The following SQLE variants were observed in gnomAD, a reference collection of about 807,000 sequenced individuals.
The protein encoded by SQLE is squalene monooxygenase.
In SQLE, 29 loss-of-function variants were observed where a neutral mutation model predicts 60.7. That is an observed-to-expected ratio of 0.48 (90% CI 0.36 to 0.65). The LOEUF is 0.65. Among genes scored for constraint, SQLE ranks in the 30% least tolerant of loss-of-function variants. The pLI is 0.00. For synonymous variants in SQLE, 237 were observed against 246.8 expected (o/e 0.96, Z 0.37); for missense variants, 605 against 684.1 (o/e 0.88, Z 1.29).
Position 125,004,382 on chromosome 8 carries a change from A to G in SQLE, c.544+954A>G, listed in dbSNP as rs560531435. Among the ~76,000 whole-genome samples the G allele has an allele frequency of 2.6e-5, 4 of 152,266 alleles. 1 individual carries two copies. The South Asian group carries it at 8.3e-4, about 32-fold the overall frequency. ...TCTTTAGGATGAATTTCTTACATGG[A>G]TTTCCAAGAGTAAGATTATTACATC... On this transcript the variant is annotated intron_variant, in intron 2 of 10. Transcript: ENST00000265896.
chr8:125,009,424 C>G, intron 6 of SQLE, 81 bp downstream of exon 6: 1 of 1,282,858 alleles, frequency 7.8e-7, no homozygotes, highest in Non-Finnish European at 1.1e-6. Flanking sequence ...AAACATTCAT[C>G]CAGTCAACCA....
chr8:125,006,047 A>G (rs528645268), intron 3 of SQLE, among the ~76,000 whole-genome samples: 1 of 152,328 alleles, frequency 6.6e-6, no homozygotes, highest in Admixed American at 6.5e-5. Context: ...TGGTTACGAT[A>G]CTTTCTATTA....
rs566472425 is a variant in SQLE at position 125,006,969 on chromosome 8, C to T, written c.726-422C>T. Among the ~76,000 whole-genome samples, 186 of 152,252 alleles carry T rather than the reference C, an allele frequency of 1.2e-3. 1 individual carries two copies. Among genetic ancestry groups the T allele is most frequent in the African/African-American group, 4.2e-3 (174 of 41,564 alleles). Reference sequence around the variant, plus strand: ...CCGCCCACCTTGGCCTCCCAAAGTTCTGGGATTACAGGTGTGAGCCACCGT... The same window carrying T: ...CCGCCCACCTTGGCCTCCCAAAGTTTTGGGATTACAGGTGTGAGCCACCGT... On this transcript the variant is annotated intron_variant, in intron 3 of 10. Coordinates refer to ENST00000265896, the MANE Select transcript of SQLE (RefSeq NM_003129.4).
At position 124,998,525 on chromosome 8, in the gene SQLE, G is replaced by C; in HGVS notation, c.-879G>C. The C allele has an allele frequency of 1.5e-6, 1 of 660,766 alleles. No individual in the cohort carries two copies. The allele number at this position is 660,766 out of a possible 1,614,324, so 40.9% of individuals were successfully genotyped here. A position where few individuals can be genotyped will look rare whatever the true frequency, so the allele number is the denominator to read the frequency against. On this transcript the variant is annotated 5_prime_UTR_variant, in exon 1 of 11. Coordinates refer to ENST00000265896, the MANE Select transcript of SQLE (RefSeq NM_003129.4). Reference sequence around the variant, plus strand: ...TGGCTGAGACGCGTGGAGCCTGGCGGCGAGTGGGGGCGTGCGACGGTTACT... The same window carrying C: ...TGGCTGAGACGCGTGGAGCCTGGCGCCGAGTGGGGGCGTGCGACGGTTACT...
Position 125,007,460 on chromosome 8 carries a change from C to G in SQLE, c.795C>G (p.Tyr265Ter). 1 of 1,552,252 alleles carries G rather than the reference C, an allele frequency of 6.4e-7. No individual in the cohort carries two copies. Among genetic ancestry groups the G allele is most frequent in the Admixed American group, 2.0e-5 (1 of 50,990 alleles). ...ATGATGTTGTGATGGGAGTTCAGTA[C>G]AAGGATAAAGAGACTGGAGATATCA... Reference protein sequence around the residue: ...EEDDVVMGVQYKDKETGDIKE... With the variant: ...EEDDVVMGVQ The change falls in exon 4 of 11, where the codon TAC becomes TAG. Residue 265 changes from tyrosine (Y) to a stop codon, truncating the protein, a stop_gained. Coordinates refer to ENST00000265896, the MANE Select transcript of SQLE (RefSeq NM_003129.4). LOFTEE classifies it high-confidence loss of function.
rs1410541327 is a variant in SQLE, at chr8:125,011,563, G to A, written c.1135G>A (p.Ala379Thr). The A allele has an allele frequency of 6.3e-7, 1 of 1,586,996 alleles. No homozygotes were observed. The highest frequency in any genetic ancestry group is 1.8e-5 in the Admixed American group (1 of 56,216). Residue 379 changes from alanine (A) to threonine (T), a missense_variant, in exon 7 of 11, where the codon GCC (alanine) becomes ACC (threonine). Coordinates refer to ENST00000265896, the MANE Select transcript of SQLE (RefSeq NM_003129.4). ...TCACCTGAAAGAACCATTCTTAGAA[G>A]CCACTGACAATTCTCATCTGAGGTC... ...PDHLKEPFLE[A>T]TDNSHLRSMP...
At chr8:125,012,696 T>G (rs1358448936) in intron 7 of SQLE, among the ~76,000 whole-genome samples, 1 of 152,256 alleles carries the variant, frequency 6.6e-6, no homozygotes, top group African/African-American at 2.4e-5. Context: ...TTTTGGTTAT[T>G]ACAAGCAATG....
At chr8:125,021,536 A>T (rs1285719957) in intron 10 of SQLE, among the ~76,000 whole-genome samples, 1 of 138,930 alleles carries the variant, frequency 7.2e-6, no homozygotes, top group Non-Finnish European at 1.5e-5. Context: ...CTTAAAAAAA[A>T]AAAAAGGGGG....
chr8:125,015,732 G>T (rs1200998497), intron 7 of SQLE, among the ~76,000 whole-genome samples: 1 of 152,066 alleles, frequency 6.6e-6, no homozygotes, highest in African/African-American at 2.4e-5. Context: ...GCTCGTTAAG[G>T]TCCTTTTCTT....
chr8:125,003,045 T>A (rs1814882750), intron 1 of SQLE, 131 bp from the exon 2 acceptor site: 1 of 711,710 alleles, frequency 1.4e-6, no homozygotes, highest in Admixed American at 3.8e-5. Context: ...ATGTAACAAT[T>A]TGTTTGGTTT....
intron 2 of SQLE, among the ~76,000 whole-genome samples, chr8:125,003,664 A>G (rs1353660215): frequency 2.6e-5 from 4 of 152,194 alleles, no homozygotes; most frequent in Admixed American, 2.6e-4. Flanking sequence ...AAAAGATTGT[A>G]ATGGTCAAAA....
intron 4 of SQLE, 64 bp downstream of exon 4, chr8:125,007,551 C>T (rs1258847150): frequency 7.8e-6 from 9 of 1,150,808 alleles, no homozygotes; most frequent in South Asian, 3.1e-5. Context: ...TTCACTTACC[C>T]CTTTAAAAAA....
rs571774159 is a variant in SQLE at position 125,018,182 on chromosome 8, A to G, written c.1328A>G (p.Asp443Gly). The change falls in exon 8 of 11, where the codon GAT (aspartate) becomes GGT (glycine). Residue 443 changes from aspartate (D) to glycine (G), a missense_variant. Physicochemically the swap from Asp to Gly is moderately conservative, Grantham distance 94. Transcript: ENST00000265896. The part of the protein sequence containing the change: ...KLLKGIPDLY[D>G]DAAIFEAKKS... The stretch of plus-strand genomic sequence containing the variant: ...CTAAAGGGTATCCCTGACCTTTATG[A>G]TGATGCAGCTATTTTCGAGGTAAGA... The G allele has an allele frequency of 1.2e-6, 2 of 1,604,626 alleles. No individual in the cohort carries two copies. The highest frequency in any genetic ancestry group is 1.8e-5 in the Admixed American group (1 of 56,636).
chr8:125,000,801 G>C (rs1370533693), intron 1 of SQLE, among the ~76,000 whole-genome samples: 1 of 152,172 alleles, frequency 6.6e-6, no homozygotes, highest in African/African-American at 2.4e-5. Flanking sequence ...TATGGAGAAT[G>C]GGTTGTAGGC....
intron 1 of SQLE, among the ~76,000 whole-genome samples, chr8:125,000,535 C>T (rs1488829454): frequency 6.6e-6 from 1 of 152,192 alleles, no homozygotes; most frequent in Admixed American, 6.5e-5. Context: ...CCTCCGCCTC[C>T]CTGGTTCAAG....
chr8:125,015,646 C>T (rs980174041), intron 7 of SQLE, among the ~76,000 whole-genome samples: 1 of 152,090 alleles, frequency 6.6e-6, no homozygotes, highest in East Asian at 1.9e-4. Context: ...GCAGAGAAAA[C>T]TAATAAAAAC....
At chr8:125,010,604 AAAT>A (rs1815023504) in intron 6 of SQLE, among the ~76,000 whole-genome samples, 1 of 152,206 alleles carries the variant, frequency 6.6e-6, no homozygotes, top group African/African-American at 2.4e-5. Context: ...CTTAGATTTT[AAAT>A]AATGACATTT....
At chr8:124,999,786 C>A in intron 1 of SQLE, 92 bp downstream of exon 1, 1 of 1,420,828 alleles carries the variant, frequency 7.0e-7, no homozygotes, top group Non-Finnish European at 9.3e-7. Flanking sequence ...TTGCAAAAGG[C>A]GGCAGGTTAG....
chr8:125,017,495 T>G (rs1563600004), intron 7 of SQLE, among the ~76,000 whole-genome samples: 1 of 152,058 alleles, frequency 6.6e-6, no homozygotes, highest in Non-Finnish European at 1.5e-5. Context: ...CTGCCAGACC[T>G]GGGTCTCTCC....
Sources: allele counts gnomAD v4.1 joint callset (sites outside exome capture counted in the v4.1 genomes callset), GRCh38; gene constraint gnomAD v4.1.1; transcripts MANE v1.5; gene names NCBI Gene and HGNC (gene_info 2026-07-23, HGNC 2026-07-21).